The following ANKRD6 variants were observed in gnomAD, a reference collection of about 807,000 sequenced individuals.
The protein encoded by ANKRD6 is ankyrin repeat domain-containing protein 6.
A neutral mutation model predicts 82.3 loss-of-function variants in ANKRD6; 56 were observed. The observed-to-expected ratio is 0.68, with a 90% CI of 0.55 to 0.85. The LOEUF is 0.85. Ranked by LOEUF, ANKRD6 falls within the 40% of genes least tolerant of loss-of-function variation. The probability of loss-of-function intolerance (pLI) is 0.00; values close to 1 mark genes in which losing one functional copy is unlikely to be tolerated. For synonymous variants in ANKRD6, 347 were observed against 352.1 expected, an observed-to-expected ratio of 0.99 and a Z score of 0.16; for missense variants, 852 against 907.6, an observed-to-expected ratio of 0.94 and a Z score of 0.79.
At chr6:89,573,116 C>T (rs1360564869) in intron 2 of ANKRD6, among the ~76,000 whole-genome samples, 1 of 152,080 alleles carries the variant, frequency 6.6e-6, no homozygotes, top group Admixed American at 6.6e-5. Flanking sequence ...ATGTGTGCCA[C>T]CATGCCTAGC....
intron 1 of ANKRD6, among the ~76,000 whole-genome samples, chr6:89,545,516 AG>A (rs1285561780): frequency 6.6e-6 from 1 of 152,132 alleles, no homozygotes; most frequent in Non-Finnish European, 1.5e-5. Context: ...AGCGCACAGG[AG>A]GTGTTTGTAC....
At position 89,630,914 on chromosome 6, in the gene ANKRD6, C is replaced by A; in HGVS notation, c.2094C>A (p.Ala698=). 1.2e-6 allele frequency: 2 copies of A among 1,612,006 alleles called. No individual in the cohort carries two copies. Among genetic ancestry groups the A allele is most frequent in the Non-Finnish European group, 1.7e-6 (2 of 1,179,062 alleles). Residue 698 remains alanine (A), a synonymous_variant, in exon 16 of 16, where the codon GCC becomes GCA. Transcript: ENST00000339746. ...CACGAAGCCAAGCCAATCAGAAAGC[C>A]CAGCAAGATAAGGCTACATTGAAGG... The part of the protein sequence containing the change: ...EEARSQANQK[A]QQDKATLKEH...
intron 1 of ANKRD6, among the ~76,000 whole-genome samples, chr6:89,487,333 G>A (rs1241759173): frequency 2.0e-5 from 3 of 152,136 alleles, no homozygotes; most frequent in Non-Finnish European, 4.4e-5. Context: ...AAATCCCCTG[G>A]CATTAGATTC....
At chr6:89,524,555 C>G (rs957024901) in intron 1 of ANKRD6, among the ~76,000 whole-genome samples, 1 of 152,108 alleles carries the variant, frequency 6.6e-6, no homozygotes, top group Non-Finnish European at 1.5e-5. Context: ...ATTTTATGTC[C>G]AAGTAGTATT....
intron 1 of ANKRD6, among the ~76,000 whole-genome samples, chr6:89,457,288 G>A (rs148027291): frequency 2.6e-5 from 4 of 152,334 alleles, no homozygotes; most frequent in Admixed American, 2.0e-4. Context: ...TGTGGAGGAA[G>A]CCTTCACAAG....
At chr6:89,467,748 C>G (rs1775009910) in intron 1 of ANKRD6, among the ~76,000 whole-genome samples, 1 of 152,152 alleles carries the variant, frequency 6.6e-6, no homozygotes, top group Non-Finnish European at 1.5e-5. Context: ...CCCAAGAGCT[C>G]CCCCTCTGTG....
At chr6:89,627,915 G>A (rs1315850275) in intron 14 of ANKRD6, among the ~76,000 whole-genome samples, 1 of 152,210 alleles carries the variant, frequency 6.6e-6, no homozygotes, top group African/African-American at 2.4e-5. Flanking sequence ...GATGAAGACC[G>A]AACATGCTGG....
At chr6:89,594,915 A>T (rs1795580491) in intron 2 of ANKRD6, among the ~76,000 whole-genome samples, 1 of 151,838 alleles carries the variant, frequency 6.6e-6, no homozygotes, top group African/African-American at 2.4e-5. Context: ...GCTAATTTTT[A>T]AAAAAGAAAA....
intron 1 of ANKRD6, among the ~76,000 whole-genome samples, chr6:89,553,277 C>T (rs967332235): frequency 2.6e-5 from 4 of 152,166 alleles, no homozygotes; most frequent in Non-Finnish European, 1.5e-5. Flanking sequence ...GGAGGAGGGT[C>T]ACACAGCCGA....
intron 1 of ANKRD6, among the ~76,000 whole-genome samples, chr6:89,442,368 A>C (rs1029450885): frequency 2.6e-5 from 4 of 152,060 alleles, no homozygotes; most frequent in Admixed American, 1.3e-4. Flanking sequence ...TCACGCCTAT[A>C]GTCCCAGCAC....
chr6:89,555,604 A>G (rs1262877842), intron 1 of ANKRD6, among the ~76,000 whole-genome samples: 1 of 152,110 alleles, frequency 6.6e-6, no homozygotes, highest in African/African-American at 2.4e-5. Context: ...GTATCTTTGA[A>G]GTCTAAGAAG....
chr6:89,604,780 C>A (rs948544227), intron 4 of ANKRD6, among the ~76,000 whole-genome samples: 1 of 152,156 alleles, frequency 6.6e-6, no homozygotes, highest in East Asian at 1.9e-4. Flanking sequence ...CCACCCCATC[C>A]CCTGGCCTTT....
At chr6:89,508,555 A>G (rs1780148073) in intron 1 of ANKRD6, among the ~76,000 whole-genome samples, 1 of 152,176 alleles carries the variant, frequency 6.6e-6, no homozygotes, top group African/African-American at 2.4e-5. Context: ...TTCCAGCAGA[A>G]AAGATAGATT....
intron 1 of ANKRD6, among the ~76,000 whole-genome samples, chr6:89,434,472 C>T (rs1770370695): frequency 6.6e-6 from 1 of 152,156 alleles, no homozygotes; most frequent in South Asian, 2.1e-4. Flanking sequence ...ACACCAATAG[C>T]AGCCTTGGCG....
chr6:89,498,564 A>G (rs529134062), intron 1 of ANKRD6, among the ~76,000 whole-genome samples: 172 of 151,946 alleles, frequency 1.1e-3, no homozygotes, highest in Admixed American at 1.2e-3. Context: ...TTTTATTCTA[A>G]ATGCCAAGTT....
At position 89,621,944 on chromosome 6, in the gene ANKRD6, G is replaced by A. The variant is rs1485147328; in HGVS notation, c.815G>A (p.Arg272Gln). The change falls in exon 10 of 16, where the codon CGA (arginine) becomes CAA (glutamine). Residue 272 changes from arginine to glutamine, a missense_variant. Coordinates refer to ENST00000339746, the MANE Select transcript of ANKRD6 (RefSeq NM_001242809.2). ...APQVLRFSRG[R>Q]SLRKKRERLK... is the part of the protein sequence containing the mutation. ...CAGGTCTTGCGCTTCAGTCGTGGGC[G>A]AAGCCTGAGGAAAAAGAGAGAGAGG... is the stretch of plus-strand genomic sequence containing the variant. 16 of 1,613,920 alleles carry A rather than the reference G, an allele frequency of 9.9e-6. No individual in the cohort carries two copies. Among genetic ancestry groups the A allele is most frequent in the East Asian group, 2.2e-5 (1 of 44,882 alleles).
intron 1 of ANKRD6, among the ~76,000 whole-genome samples, chr6:89,490,146 C>G (rs935344267): frequency 6.6e-6 from 1 of 152,148 alleles, no homozygotes; most frequent in African/African-American, 2.4e-5. Context: ...CAGATTAATC[C>G]AGTTCAATTG....
chr6:89,509,535 T>G (rs1780286697), intron 1 of ANKRD6, among the ~76,000 whole-genome samples: 1 of 152,226 alleles, frequency 6.6e-6, no homozygotes, highest in Admixed American at 6.5e-5. Flanking sequence ...TGCAGTTTAT[T>G]TTATGCCTAC....
intron 2 of ANKRD6, 119 bp from the exon 3 acceptor site, chr6:89,595,797 G>T: frequency 2.7e-6 from 2 of 737,454 alleles, no homozygotes. Context: ...CAATCCAAAG[G>T]GGCAGGAGGG....
Sources: allele counts gnomAD v4.1 joint callset (sites outside exome capture counted in the v4.1 genomes callset), GRCh38; gene constraint gnomAD v4.1.1; transcripts MANE v1.5; gene names NCBI Gene and HGNC (gene_info 2026-07-23, HGNC 2026-07-21).